Variants in HADH observed in about 807,000 individuals in gnomAD.
HADH encodes the protein hydroxyacyl-coenzyme A dehydrogenase, mitochondrial.
A neutral mutation model predicts 32.2 loss-of-function variants in HADH; 24 were observed. That is an observed-to-expected ratio of 0.75 (90% CI 0.54 to 1.05). HADH has a LOEUF of 1.05. Ranked by LOEUF, HADH falls within the 50% of genes least tolerant of loss-of-function variation. The probability of loss-of-function intolerance (pLI) is 0.00; values close to 1 mark genes in which losing one functional copy is unlikely to be tolerated. For missense variants in HADH, 350 were observed against 397.1 expected (o/e 0.88, Z 1.01); for synonymous variants, 139 against 152.5 (o/e 0.91, Z 0.65).
At chr4:108,008,525 G>T (rs1735364942) in intron 1 of HADH, among the ~76,000 whole-genome samples, 1 of 152,156 alleles carries the variant, frequency 6.6e-6, no homozygotes. Flanking sequence ...TTGCTCTTTT[G>T]TTTCTGTTTC....
intron 1 of HADH, among the ~76,000 whole-genome samples, chr4:108,001,131 G>A (rs1190297170): frequency 1.3e-5 from 2 of 152,204 alleles, no homozygotes; most frequent in Admixed American, 6.5e-5. Context: ...AAATGGGCCT[G>A]AATAATGGAT....
At chr4:108,033,125 G>A (rs912177135) in intron 6 of HADH, 51 bp from the exon 7 acceptor site, 2 of 868,218 alleles carry the variant, frequency 2.3e-6, no homozygotes, top group South Asian at 1.3e-5. Context: ...CTGTGATAGG[G>A]AGAATTCAAG....
chr4:108,004,466 T>C (rs1735222683), intron 1 of HADH: 1 of 376,682 alleles, frequency 2.7e-6, no homozygotes, highest in South Asian at 2.2e-5. Flanking sequence ...AAAGGCTTCC[T>C]TGCTGTCCAA....
chr4:108,004,222 C>T (rs184292595), intron 1 of HADH, among the ~76,000 whole-genome samples: 76 of 152,314 alleles, frequency 5.0e-4, no homozygotes, highest in Admixed American at 2.0e-3. Context: ...TGTTTGTTCA[C>T]CTTACAAGGC....
chr4:107,999,639 G>C (rs1316172567), intron 1 of HADH, among the ~76,000 whole-genome samples: 3 of 152,160 alleles, frequency 2.0e-5, no homozygotes, highest in Admixed American at 1.3e-4. Context: ...TGAGACTTAT[G>C]AAAAAATAGC....
intron 2 of HADH, 75 bp downstream of exon 2, chr4:108,009,962 T>C: frequency 1.0e-6 from 1 of 953,834 alleles, no homozygotes; most frequent in South Asian, 1.5e-5. Flanking sequence ...GGGGGATTTC[T>C]GGCTTTCTTT....
At chr4:108,014,343 A>G in intron 2 of HADH, 88 bp from the exon 3 acceptor site, 1 of 1,462,370 alleles carries the variant, frequency 6.8e-7, no homozygotes. Context: ...CTGAACACCC[A>G]GTTTGCTAAC....
At chr4:108,025,317 C>T (rs1307751794) in intron 5 of HADH, 1 of 152,124 alleles carries the variant, frequency 6.6e-6, no homozygotes, top group African/African-American at 2.4e-5. Flanking sequence ...AGGGTATGAA[C>T]TAGCCCAACT....
Position 108,014,433 on chromosome 4 carries a change from C to A in HADH, c.264C>A (p.Ala88=), listed in dbSNP as rs201324954. Reference sequence around the variant, plus strand: ...TCTTCTTCCTCCCACTGCATTAGGCCGGCGATGAATTTGTGGAGAAGACCC... The same window carrying A: ...TCTTCTTCCTCCCACTGCATTAGGCAGGCGATGAATTTGTGGAGAAGACCC... ...AKKKFAENLK[A]GDEFVEKTLS... is the part of the protein sequence containing the mutation. The change falls in exon 3 of 8, where the codon GCC becomes GCA. Residue 88 remains alanine (A), a splice_region_variant and synonymous_variant. Coordinates refer to ENST00000309522, the MANE Select transcript of HADH (RefSeq NM_005327.7). The A allele has an allele frequency of 1.9e-6, 3 of 1,613,914 alleles. No homozygotes were observed. The highest frequency in any genetic ancestry group is 1.7e-5 in the Admixed American group (1 of 59,982).
At chr4:108,013,889 A>G (rs1735593937) in intron 2 of HADH, among the ~76,000 whole-genome samples, 1 of 152,060 alleles carries the variant, frequency 6.6e-6, no homozygotes. Context: ...CTAGCTGCTT[A>G]TTCCATGATG....
In HADH at chr4:107,993,473, G is replaced by A. The variant is rs183458510; in HGVS notation, c.132+3409G>A. Among the ~76,000 whole-genome samples the A allele has an allele frequency of 2.7e-3, 416 of 152,244 alleles. 2 individuals are homozygous for A. Among genetic ancestry groups the A allele is most frequent in the Non-Finnish European group, 5.2e-3 (355 of 68,024 alleles). ...GCTTAATTTTCTTGAACTTTCTGAC[G>A]TGGTTTTAATGTTAGTCAAGGTGCA... On this transcript the variant is annotated intron_variant, in intron 1 of 7. Coordinates refer to ENST00000309522, the MANE Select transcript of HADH (RefSeq NM_005327.7).
rs1735030778 is a variant in HADH at position 107,998,823 on chromosome 4, C to T, written c.132+8759C>T. The stretch of plus-strand genomic sequence containing the variant: ...TGGACATTAGAGATTTCATGAATCT[C>T]CTTCATGGTTCCCGAAAGGTTGGTA... On this transcript the variant is annotated intron_variant, in intron 1 of 7. Transcript: ENST00000309522. Among the ~76,000 whole-genome samples, 5 of 152,022 alleles carry T rather than the reference C, an allele frequency of 3.3e-5. No individual in the cohort carries two copies. The South Asian group carries it at 1.0e-3, about 32-fold the overall frequency.
intron 4 of HADH, among the ~76,000 whole-genome samples, chr4:108,022,137 T>C (rs1465731623): frequency 1.3e-5 from 2 of 151,138 alleles, no homozygotes; most frequent in African/African-American, 4.9e-5. Context: ...ATTGAAGTTC[T>C]TTACTGGCCT....
intron 6 of HADH, chr4:108,028,848 C>A (rs1560739004): frequency 2.5e-6 from 1 of 398,484 alleles, no homozygotes; most frequent in East Asian, 3.6e-5. Flanking sequence ...GATGCATTCT[C>A]CAATGCACCA....
chr4:107,995,041 C>T (rs951129416), intron 1 of HADH, among the ~76,000 whole-genome samples: 6 of 152,138 alleles, frequency 3.9e-5, no homozygotes, highest in African/African-American at 1.4e-4. Context: ...TTTCTTCTTT[C>T]TTCCCCTCTC....
intron 4 of HADH, among the ~76,000 whole-genome samples, chr4:108,023,190 C>T (rs527735236): frequency 1.3e-5 from 2 of 152,240 alleles, no homozygotes; most frequent in East Asian, 3.9e-4. Context: ...GATAGGGTTT[C>T]ACCATGTTAG....
intron 1 of HADH, among the ~76,000 whole-genome samples, chr4:107,996,786 C>T (rs72677408): frequency 6.6e-6 from 1 of 151,706 alleles, no homozygotes; most frequent in Non-Finnish European, 1.5e-5. Flanking sequence ...CCCAGCTATT[C>T]AGGAGACTGA....
In HADH at chr4:108,033,208, A is replaced by G. The variant is rs769764986; in HGVS notation, c.742A>G (p.Met248Val). 9 of 1,608,774 alleles carry G rather than the reference A, an allele frequency of 5.6e-6. No individual in the cohort carries two copies. The highest frequency in any genetic ancestry group is 1.1e-5 in the South Asian group (1 of 90,990). Reference sequence around the variant, plus strand: ...ATCCAAAGAAGACATTGACACTGCTATGAAATTAGGAGCCGGTTACCCCAT... The same window carrying G: ...ATCCAAAGAAGACATTGACACTGCTGTGAAATTAGGAGCCGGTTACCCCAT... ...DASKEDIDTA[M>V]KLGAGYPMGP... The change falls in exon 7 of 8, where the codon ATG (methionine) becomes GTG (valine). Residue 248 changes from methionine (M) to valine (V), a missense_variant. By Grantham distance (21) the Met-to-Val change is conservative (BLOSUM62 1). Coordinates refer to ENST00000309522, the MANE Select transcript of HADH (RefSeq NM_005327.7).
At chr4:108,008,468 T>A (rs1735363344) in intron 1 of HADH, among the ~76,000 whole-genome samples, 2 of 152,232 alleles carry the variant, frequency 1.3e-5, no homozygotes, top group Admixed American at 6.5e-5. Context: ...TGAAAACTGT[T>A]CTTTGGAAAT....
Sources: allele counts gnomAD v4.1 joint callset (sites outside exome capture counted in the v4.1 genomes callset), GRCh38; gene constraint gnomAD v4.1.1; transcripts MANE v1.5; gene names NCBI Gene and HGNC (gene_info 2026-07-23, HGNC 2026-07-21).